The following ENOPH1 variants were observed in gnomAD, a reference collection of about 807,000 sequenced individuals.
The protein encoded by ENOPH1 is enolase-phosphatase 1.
Under a neutral mutation model 31.1 loss-of-function variants are expected in ENOPH1, and 14 were observed. That is an observed-to-expected ratio of 0.45 (90% CI 0.30 to 0.70). ENOPH1 has a LOEUF of 0.70. Among genes scored for constraint, ENOPH1 ranks in the 30% least tolerant of loss-of-function variants. ENOPH1 has a pLI of 0.09. For synonymous variants in ENOPH1, 127 were observed against 123.2 expected (o/e 1.03, Z -0.21); for missense variants, 243 against 321.5 (o/e 0.76, Z 1.87).
intron 3 of ENOPH1, 83 bp downstream of exon 3, chr4:82,451,328 G>T: frequency 7.7e-7 from 1 of 1,303,972 alleles, no homozygotes; most frequent in Non-Finnish European, 1.1e-6. Flanking sequence ...TCCAGCGTAA[G>T]TCACAAGACT....
chr4:82,455,314 C>G (rs1207865155), intron 4 of ENOPH1, among the ~76,000 whole-genome samples: 1 of 152,148 alleles, frequency 6.6e-6, no homozygotes, highest in Non-Finnish European at 1.5e-5. Context: ...ATCATCCCTG[C>G]ACCCCCTGGA....
At chr4:82,452,296 T>A (rs1235006832) in intron 3 of ENOPH1, among the ~76,000 whole-genome samples, 1 of 152,028 alleles carries the variant, frequency 6.6e-6, no homozygotes, top group Non-Finnish European at 1.5e-5. Context: ...GCTGATAAAT[T>A]CTTTTCGTTT....
intron 3 of ENOPH1, among the ~76,000 whole-genome samples, chr4:82,453,116 T>C (rs986001803): frequency 6.6e-6 from 1 of 151,664 alleles, no homozygotes; most frequent in Non-Finnish European, 1.5e-5. Context: ...TTAGCCAGGA[T>C]GCTCTCGATC....
At position 82,451,216 on chromosome 4, in the gene ENOPH1, G is replaced by A. The variant is rs369647289; in HGVS notation, c.360G>A (p.Ala120=). ...LKQLQGHMWR[A]AFTAGRMKAE... ...AGCTGCAGGGCCACATGTGGAGGGC[G>A]GCATTCACAGCTGGGCGCATGAAAG... is the stretch of plus-strand genomic sequence containing the variant. The change falls in exon 3 of 6, where the codon GCG becomes GCA. Residue 120 remains alanine (A), a synonymous_variant. Coordinates refer to ENST00000273920, the MANE Select transcript of ENOPH1 (RefSeq NM_021204.5). 129 of 1,614,054 alleles carry A rather than the reference G, an allele frequency of 8.0e-5. No individual in the cohort carries two copies. Among genetic ancestry groups the A allele is most frequent in the African/African-American group, 1.2e-4 (9 of 74,918 alleles).
intron 1 of ENOPH1, among the ~76,000 whole-genome samples, chr4:82,434,301 A>G (rs1051856579): frequency 9.2e-5 from 14 of 152,172 alleles, no homozygotes; most frequent in African/African-American, 2.7e-4. Flanking sequence ...ATATGGTAAC[A>G]AGCCAGGTAC....
At chr4:82,455,625 A>G (rs1483833681) in intron 4 of ENOPH1, among the ~76,000 whole-genome samples, 1 of 18,538 alleles carries the variant, frequency 5.4e-5, no homozygotes, top group Non-Finnish European at 8.0e-5. Flanking sequence ...CTAAAAATAC[A>G]AAAAAAAAAA....
chr4:82,439,607 T>C (rs1721991557), intron 1 of ENOPH1, among the ~76,000 whole-genome samples: 1 of 152,238 alleles, frequency 6.6e-6, no homozygotes, highest in Non-Finnish European at 1.5e-5. Flanking sequence ...ATTGGTAAAC[T>C]ATAATCTCAG....
chr4:82,453,932 G>A (rs1192127698), intron 3 of ENOPH1, among the ~76,000 whole-genome samples: 1 of 152,196 alleles, frequency 6.6e-6, no homozygotes, highest in African/African-American at 2.4e-5. Context: ...CAGGCCGGGT[G>A]CAGTGGCTCA....
At chr4:82,448,364 G>A (rs1372997876) in intron 2 of ENOPH1, among the ~76,000 whole-genome samples, 1 of 151,686 alleles carries the variant, frequency 6.6e-6, no homozygotes, top group South Asian at 2.1e-4. Context: ...GGGTTCAGGC[G>A]ATTCTCCTGC....
intron 1 of ENOPH1, among the ~76,000 whole-genome samples, chr4:82,447,117 C>T (rs1722214858): frequency 6.6e-6 from 1 of 152,052 alleles, no homozygotes; most frequent in African/African-American, 2.4e-5. Context: ...TCCCGAGTAC[C>T]TGAGATTACA....
intron 1 of ENOPH1, among the ~76,000 whole-genome samples, chr4:82,442,706 A>G (rs529639851): frequency 1.3e-5 from 2 of 152,288 alleles, no homozygotes; most frequent in Non-Finnish European, 2.9e-5. Flanking sequence ...GTTCTCTCAT[A>G]TTTTGTTCAG....
At chr4:82,450,271 C>T (rs1722313610) in intron 2 of ENOPH1, among the ~76,000 whole-genome samples, 1 of 152,094 alleles carries the variant, frequency 6.6e-6, no homozygotes, top group Non-Finnish European at 1.5e-5. Context: ...AATTTTAAAC[C>T]AACCATAACA....
chr4:82,459,680 C>T (rs1192502380), intron 5 of ENOPH1, among the ~76,000 whole-genome samples: 3 of 152,152 alleles, frequency 2.0e-5, no homozygotes, highest in Non-Finnish European at 4.4e-5. Context: ...CAGAACATGG[C>T]TCCATCCTTC....
chr4:82,453,050 T>TACCC (rs1722393730), intron 3 of ENOPH1, among the ~76,000 whole-genome samples: 1 of 151,996 alleles, frequency 6.6e-6, no homozygotes, highest in Non-Finnish European at 1.5e-5. Flanking sequence ...TACAGGCGTG[T>TACCC]GCCACCACGC....
intron 1 of ENOPH1, among the ~76,000 whole-genome samples, chr4:82,435,506 C>T (rs933038625): frequency 1.3e-5 from 2 of 152,176 alleles, no homozygotes; most frequent in African/African-American, 4.8e-5. Flanking sequence ...TAACAGTCCT[C>T]TTTATGTCCT....
At chr4:82,440,591 G>A (rs1406773580) in intron 1 of ENOPH1, among the ~76,000 whole-genome samples, 1 of 152,194 alleles carries the variant, frequency 6.6e-6, no homozygotes, top group East Asian at 1.9e-4. Context: ...TAAGGACTAG[G>A]ACTCTGGGCC....
intron 3 of ENOPH1, among the ~76,000 whole-genome samples, chr4:82,453,050 T>C (rs954182610): frequency 4.3e-4 from 66 of 152,114 alleles, no homozygotes; most frequent in Non-Finnish European, 8.2e-4. Flanking sequence ...TACAGGCGTG[T>C]GCCACCACGC....
At chr4:82,441,361 G>A (rs188509904) in intron 1 of ENOPH1, among the ~76,000 whole-genome samples, 1 of 152,320 alleles carries the variant, frequency 6.6e-6, no homozygotes, top group African/African-American at 2.4e-5. Context: ...GGTGGCTCAT[G>A]CCTGTAATCC....
rs1009477792 is a variant in ENOPH1, at chr4:82,453,354, T to C, written c.390-1368T>C. On this transcript the variant is annotated intron_variant, in intron 3 of 5. Transcript: ENST00000273920. ...CGAGGAGCTTCTACCTTTTAAAGGA[T>C]GGACTGGAATTTCAGGATATGCCAG... Among the ~76,000 whole-genome samples the C allele has an allele frequency of 7.9e-5, 12 of 152,354 alleles. No homozygotes were observed. The South Asian group carries it at 1.4e-3, about 18-fold the overall frequency.
Sources: allele counts gnomAD v4.1 joint callset (sites outside exome capture counted in the v4.1 genomes callset), GRCh38; gene constraint gnomAD v4.1.1; transcripts MANE v1.5; gene names NCBI Gene and HGNC (gene_info 2026-07-23, HGNC 2026-07-21).